The following MSRA variants were observed in gnomAD, a reference collection of about 807,000 sequenced individuals.
MSRA encodes methionine sulfoxide reductase A, also known as mitochondrial peptide methionine sulfoxide reductase.
Under a neutral mutation model 31.3 loss-of-function variants are expected in MSRA, and 54 were observed. The ratio of observed to expected loss-of-function variants is 1.73; its 90% CI spans 1.39 to 2.17. The LOEUF (loss-of-function observed/expected upper bound fraction) is 2.17, where lower values mean the gene tolerates loss of function less well. Ranked by LOEUF, MSRA falls within the 30% of genes most tolerant of loss-of-function variation. The probability of loss-of-function intolerance (pLI) is 0.00; values close to 1 mark genes in which losing one functional copy is unlikely to be tolerated. For missense variants in MSRA, 507 were observed against 300.9 expected (o/e 1.69, Z -5.07); for synonymous variants, 169 against 116.5 (o/e 1.45, Z -2.90).
At chr8:10,217,016 A>G (rs967674335) in intron 2 of MSRA, among the ~76,000 whole-genome samples, 1 of 152,164 alleles carries the variant, frequency 6.6e-6, no homozygotes, top group African/African-American at 2.4e-5. Context: ...TTACATTCCC[A>G]CCAGCGAACC....
intron 1 of MSRA, among the ~76,000 whole-genome samples, chr8:10,075,189 T>C (rs547148062): frequency 2.8e-4 from 43 of 152,354 alleles, no homozygotes; most frequent in East Asian, 1.3e-3. Flanking sequence ...AGAGCTTATT[T>C]ACTTATGTGG....
rs73528959 is a variant in MSRA at position 10,115,356 on chromosome 8, G to T, written c.142+60698G>T. 3.3e-5 allele frequency among the ~76,000 whole-genome samples: 5 copies of T among 152,162 alleles called. No individual in the cohort carries two copies. In the South Asian group the frequency reaches 8.3e-4, roughly 25 times the overall value. On this transcript the variant is annotated intron_variant, in intron 1 of 5. Transcript: ENST00000317173. The stretch of plus-strand genomic sequence containing the variant: ...GGCCATTGAAGACTTGGACAGAGCT[G>T]GCTGTGATGCAGCCACAGCCAGGAA...
intron 4 of MSRA, among the ~76,000 whole-genome samples, chr8:10,310,775 G>T (rs1046281262): frequency 1.1e-4 from 17 of 152,346 alleles, no homozygotes; most frequent in African/African-American, 2.9e-4. Context: ...TGTTCTTTCT[G>T]TTGGGTAGCA....
rs76309413 is a variant in MSRA at position 10,317,295 on chromosome 8, A to T, written c.437-2588A>T. On this transcript the variant is annotated intron_variant, in intron 4 of 5. Coordinates refer to ENST00000317173, the MANE Select transcript of MSRA (RefSeq NM_012331.5). ...TTCCCTTTAAAGTTCTCATTTTCAG[A>T]CACATTTATCACGTCTGCAATCAGG... Among the ~76,000 whole-genome samples the T allele has an allele frequency of 9.0e-3, 1,363 of 152,274 alleles. 67 individuals are homozygous for T. In the East Asian group the frequency reaches 0.13, roughly 15 times the overall value.
intron 1 of MSRA, among the ~76,000 whole-genome samples, chr8:10,148,397 C>T (rs1376095945): frequency 1.3e-5 from 2 of 151,542 alleles, no homozygotes; most frequent in East Asian, 3.9e-4. Context: ...CCTGTAATCC[C>T]AGCACTTTGG....
chr8:10,117,523 T>A (rs982544056), intron 1 of MSRA, among the ~76,000 whole-genome samples: 1 of 152,210 alleles, frequency 6.6e-6, no homozygotes, highest in Non-Finnish European at 1.5e-5. Flanking sequence ...TTGATATACA[T>A]GTAAGTTTCT....
chr8:10,129,608 G>A (rs1052856785), intron 1 of MSRA, among the ~76,000 whole-genome samples: 7 of 152,098 alleles, frequency 4.6e-5, no homozygotes, highest in Non-Finnish European at 7.4e-5. Context: ...CAGGCTTAGA[G>A]CACAGCATGC....
intron 1 of MSRA, among the ~76,000 whole-genome samples, chr8:10,087,740 C>T (rs1798642182): frequency 6.6e-6 from 1 of 152,132 alleles, no homozygotes; most frequent in Non-Finnish European, 1.5e-5. Flanking sequence ...CTCAAGGTTT[C>T]TTGTTAGGTT....
chr8:10,256,134 C>T (rs1798165514), intron 3 of MSRA, among the ~76,000 whole-genome samples: 1 of 152,092 alleles, frequency 6.6e-6, no homozygotes, highest in African/African-American at 2.4e-5. Flanking sequence ...TTCAGCCCAT[C>T]CTCCCCCCCC....
intron 4 of MSRA, among the ~76,000 whole-genome samples, chr8:10,305,570 C>G (rs1179818402): frequency 1.3e-5 from 2 of 152,104 alleles, no homozygotes; most frequent in African/African-American, 4.8e-5. Flanking sequence ...TCCGCCACCA[C>G]ACCCAGCTAA....
chr8:10,314,643 A>G (rs1338584806), intron 4 of MSRA, among the ~76,000 whole-genome samples: 1 of 152,220 alleles, frequency 6.6e-6, no homozygotes, highest in Non-Finnish European at 1.5e-5. Context: ...CAACAATTCT[A>G]TTTCTAGGTA....
chr8:10,418,033 A>G (rs1808588828), intron 5 of MSRA, among the ~76,000 whole-genome samples: 1 of 152,154 alleles, frequency 6.6e-6, no homozygotes, highest in African/African-American at 2.4e-5. Flanking sequence ...GACCTCTTAG[A>G]AGCCCGACCC....
At chr8:10,413,728 G>A (rs1038971119) in intron 5 of MSRA, among the ~76,000 whole-genome samples, 1 of 151,286 alleles carries the variant, frequency 6.6e-6, no homozygotes, top group African/African-American at 2.4e-5. Context: ...TCGCCAGAAG[G>A]GCTGAGTTGG....
intron 1 of MSRA, among the ~76,000 whole-genome samples, chr8:10,178,568 A>G (rs1806267039): frequency 6.6e-6 from 1 of 152,230 alleles, no homozygotes; most frequent in Non-Finnish European, 1.5e-5. Flanking sequence ...ATGAAGATAT[A>G]ATAGACATAT....
intron 1 of MSRA, among the ~76,000 whole-genome samples, chr8:10,143,142 C>T (rs570436291): frequency 1.3e-5 from 2 of 152,162 alleles, no homozygotes; most frequent in South Asian, 2.1e-4. Context: ...TTCCCTGCAC[C>T]GTCGTTTTGG....
chr8:10,272,278 C>G (rs1252755960), intron 3 of MSRA, among the ~76,000 whole-genome samples: 1 of 152,132 alleles, frequency 6.6e-6, no homozygotes, highest in Non-Finnish European at 1.5e-5. Flanking sequence ...TCAGGATTGG[C>G]TCATATGATT....
intron 2 of MSRA, among the ~76,000 whole-genome samples, chr8:10,222,645 C>T (rs545692497): frequency 7.2e-5 from 11 of 152,030 alleles, no homozygotes; most frequent in African/African-American, 1.9e-4. Context: ...CAATGGAATA[C>T]GATTCAGTCT....
intron 5 of MSRA, among the ~76,000 whole-genome samples, chr8:10,355,148 C>G (rs749908657): frequency 4.6e-5 from 7 of 152,312 alleles, no homozygotes; most frequent in Middle Eastern, 3.4e-3. Context: ...CTTTATCAGC[C>G]TACAACACTA....
intron 3 of MSRA, among the ~76,000 whole-genome samples, chr8:10,245,445 A>G (rs548534785): frequency 6.6e-6 from 1 of 152,326 alleles, no homozygotes; most frequent in East Asian, 1.9e-4. Context: ...TGGAACAACC[A>G]CTCTAAAACA....
Sources: allele counts gnomAD v4.1 joint callset (sites outside exome capture counted in the v4.1 genomes callset), GRCh38; gene constraint gnomAD v4.1.1; transcripts MANE v1.5; gene names NCBI Gene and HGNC (gene_info 2026-07-23, HGNC 2026-07-21).